The following FCRL1 variants were observed in gnomAD, a reference collection of about 807,000 sequenced individuals.
The protein encoded by FCRL1 is Fc receptor-like protein 1.
A neutral mutation model predicts 49.2 loss-of-function variants in FCRL1; 34 were observed. That is an observed-to-expected ratio of 0.69 (90% CI 0.53 to 0.92). The LOEUF is 0.92. FCRL1 is among the 40% of genes least tolerant of loss of function. The pLI is 0.00. For synonymous variants in FCRL1, 218 were observed against 201.6 expected (o/e 1.08, Z -0.69); for missense variants, 524 against 524.1 (o/e 1.00, Z 0.00).
At position 157,802,366 on chromosome 1, in the gene FCRL1, G is replaced by A. The variant is rs778311118; in HGVS notation, c.607+11C>T. On this transcript the variant is annotated intron_variant, in intron 4 of 10. Coordinates refer to ENST00000368176, the MANE Select transcript of FCRL1 (RefSeq NM_052938.5). ...TGACTGGCTGGCTGAACGAAGGGTA[G>A]TGGAACTTACTTCTGACAGTGATGC... The A allele has an allele frequency of 1.9e-6, 3 of 1,613,072 alleles. No individual in the cohort carries two copies. Among genetic ancestry groups the A allele is most frequent in the South Asian group, 2.2e-5 (2 of 90,964 alleles).
intron 1 of FCRL1, among the ~76,000 whole-genome samples, chr1:157,811,974 A>C (rs10443902): frequency 0.21 from 32,137 of 152,130 alleles, 3,580 homozygotes; most frequent in Non-Finnish European, 0.24. Context: ...TGTCCTGCCC[A>C]GTGGAGAAGT....
At chr1:157,818,714 T>C (rs10908596) in intron 1 of FCRL1, among the ~76,000 whole-genome samples, 38,115 of 152,022 alleles carry the variant, frequency 0.25, 4,946 homozygotes, top group African/African-American at 0.3. Flanking sequence ...TCTTGGGTGA[T>C]GAAAACATTC....
chr1:157,811,266 G>A (rs1012015771), intron 1 of FCRL1, among the ~76,000 whole-genome samples: 1 of 152,138 alleles, frequency 6.6e-6, no homozygotes, highest in Non-Finnish European at 1.5e-5. Flanking sequence ...CATTTTGACT[G>A]GAGTGTCTAA....
At chr1:157,817,674 C>T (rs1194637847) in intron 1 of FCRL1, among the ~76,000 whole-genome samples, 2 of 151,904 alleles carry the variant, frequency 1.3e-5, no homozygotes, top group South Asian at 2.1e-4. Context: ...AATAGACAAA[C>T]GGGATTACAC....
Position 157,812,686 on chromosome 1 carries a change from A to G in FCRL1, c.32-5564T>C, listed in dbSNP as rs74501006. Reference sequence around the variant, plus strand: ...GGAAGAGCTGTGTCCATCTATACCTAAGACAATGAACCTGCATCCAGGCAC... The same window carrying G: ...GGAAGAGCTGTGTCCATCTATACCTGAGACAATGAACCTGCATCCAGGCAC... On this transcript the variant is annotated intron_variant, in intron 1 of 10. Transcript: ENST00000368176. Among the ~76,000 whole-genome samples, 573 of 152,086 alleles carry G rather than the reference A, an allele frequency of 3.8e-3. 2 individuals are homozygous for G. The highest frequency in any genetic ancestry group is 0.013 in the African/African-American group (527 of 41,472).
At chr1:157,796,825 A>T (rs544637939) in intron 10 of FCRL1, among the ~76,000 whole-genome samples, 1 of 152,354 alleles carries the variant, frequency 6.6e-6, no homozygotes, top group Non-Finnish European at 1.5e-5. Flanking sequence ...TTTCCAATAA[A>T]TAGAATTTTT....
At chr1:157,796,341 C>T (rs1385110522) in intron 10 of FCRL1, among the ~76,000 whole-genome samples, 171 bp from the exon 11 acceptor site, 4 of 152,178 alleles carry the variant, frequency 2.6e-5, no homozygotes, top group African/African-American at 9.7e-5. Flanking sequence ...GTGCCTGTAT[C>T]CCACTGGTGG....
At chr1:157,800,140 ACTGTCAGTGTTTTCATACCCC>A (rs1280389187) in intron 6 of FCRL1, 55 bp from the exon 7 acceptor site, 3 of 1,563,426 alleles carry the variant, frequency 1.9e-6, no homozygotes, top group East Asian at 4.5e-5. Context: ...CACTGTCAGC[ACTGTCAGTGTTTTCATACCCC>A]CTGCACAGGG....
chr1:157,818,064 A>C (rs1655295065), intron 1 of FCRL1, among the ~76,000 whole-genome samples: 1 of 152,224 alleles, frequency 6.6e-6, no homozygotes, highest in African/African-American at 2.4e-5. Flanking sequence ...GTGGGACTGT[A>C]AATTAGAACA....
At chr1:157,806,822 T>A (rs1258603245) in intron 2 of FCRL1, 3 of 342,622 alleles carry the variant, frequency 8.8e-6, no homozygotes, top group Non-Finnish European at 1.1e-5. Context: ...TCTCCCTCCC[T>A]GTGCTGGGAC....
chr1:157,803,918 C>T lies in FCRL1; in HGVS notation c.246G>A (p.Gly82=). 1.9e-6 allele frequency: 3 copies of T among 1,614,198 alleles called. No individual in the cohort carries two copies. Among genetic ancestry groups the T allele is most frequent in the South Asian group, 1.1e-5 (1 of 91,080 alleles). The change falls in exon 3 of 11, where the codon GGG becomes GGA. Residue 82 remains glycine (G), a synonymous_variant. Coordinates refer to ENST00000368176, the MANE Select transcript of FCRL1 (RefSeq NM_052938.5). ...QIAAMWKEDT[G]SYWCEAQTMA... ...TTGTCTGTGCCTCGCACCAGTATGA[C>T]CCTGTGTCTTCTTTCCACATGGCAG...
At chr1:157,797,740 T>C in intron 9 of FCRL1, 128 bp downstream of exon 9, 4 of 1,572,976 alleles carry the variant, frequency 2.5e-6, no homozygotes, top group Non-Finnish European at 3.5e-6. Context: ...AGCCATTAAG[T>C]ACACACAGTG....
At chr1:157,811,424 G>A (rs1372011546) in intron 1 of FCRL1, among the ~76,000 whole-genome samples, 2 of 152,100 alleles carry the variant, frequency 1.3e-5, no homozygotes, top group Non-Finnish European at 2.9e-5. Flanking sequence ...AATGCAGGCT[G>A]GGATTCAAGC....
chr1:157,816,377 T>C (rs1476195697), intron 1 of FCRL1, among the ~76,000 whole-genome samples: 4 of 151,928 alleles, frequency 2.6e-5, no homozygotes, highest in Non-Finnish European at 5.9e-5. Context: ...AAAAAGCATT[T>C]GACAAAATTC....
At chr1:157,818,838 GT>G (rs996802538) in intron 1 of FCRL1, among the ~76,000 whole-genome samples, 1 of 152,174 alleles carries the variant, frequency 6.6e-6, no homozygotes, top group African/African-American at 2.4e-5. Context: ...CAATAAAGCT[GT>G]TTTTAATAAA....
At chr1:157,804,978 G>T (rs1360885177) in intron 2 of FCRL1, among the ~76,000 whole-genome samples, 1 of 151,828 alleles carries the variant, frequency 6.6e-6, no homozygotes, top group Non-Finnish European at 1.5e-5. Context: ...TCCCACCTCA[G>T]CCTCTCAAGT....
At chr1:157,819,978 C>T in intron 1 of FCRL1, 29 bp downstream of exon 1, 1 of 1,613,898 alleles carries the variant, frequency 6.2e-7, no homozygotes, top group Non-Finnish European at 8.5e-7. Context: ...GATTGCATCC[C>T]ATGCCCTGCT....
intron 6 of FCRL1, among the ~76,000 whole-genome samples, chr1:157,801,020 T>G (rs1652363025): frequency 6.6e-6 from 1 of 152,152 alleles, no homozygotes; most frequent in Admixed American, 6.5e-5. Flanking sequence ...GCCTCCCAAG[T>G]AGCTGGGATT....
chr1:157,796,420 GC>G (rs1651492957), intron 10 of FCRL1, among the ~76,000 whole-genome samples: 1 of 152,180 alleles, frequency 6.6e-6, no homozygotes, highest in African/African-American at 2.4e-5. Flanking sequence ...ATTCTTATGG[GC>G]CTTTGTTAGG....
Sources: gnomAD v4.1 joint callset for allele counts (sites outside exome capture counted in the v4.1 genomes callset) on GRCh38, gnomAD v4.1.1 for gene constraint, MANE v1.5 for transcripts, NCBI Gene and HGNC (gene_info 2026-07-23, HGNC 2026-07-21) for gene names.